The following SMG6 variants were observed in gnomAD, a reference collection of about 807,000 sequenced individuals.
SMG6 encodes telomerase-binding protein EST1A.
SMG6 carries 66 observed loss-of-function variants against 142.2 expected under a neutral mutation model. The ratio of observed to expected loss-of-function variants is 0.46; its 90% CI spans 0.38 to 0.57. SMG6 has a LOEUF of 0.57. Ranked by LOEUF, SMG6 falls within the 20% of genes least tolerant of loss-of-function variation. The pLI is 0.00. For missense variants in SMG6, 1,793 were observed against 1,832.0 expected, an observed-to-expected ratio of 0.98 and a Z score of 0.39; for synonymous variants, 779 against 702.4, an observed-to-expected ratio of 1.11 and a Z score of -1.72.
intron 13 of SMG6, among the ~76,000 whole-genome samples, chr17:2,118,705 C>T (rs970937007): frequency 3.3e-5 from 5 of 149,678 alleles, no homozygotes; most frequent in African/African-American, 4.9e-5. Context: ...TTGCCGTGCA[C>T]GGCTGCAAGT....
intron 13 of SMG6, chr17:2,087,148 C>A (rs895338835): frequency 3.1e-6 from 4 of 1,290,414 alleles, no homozygotes; most frequent in Non-Finnish European, 3.0e-6. Context: ...CCTCTGGTGG[C>A]AAAGCCTAAA....
chr17:2,272,989 T>C (rs2074571199), intron 8 of SMG6, among the ~76,000 whole-genome samples: 1 of 138,168 alleles, frequency 7.2e-6, no homozygotes, highest in Admixed American at 7.2e-5. Context: ...GAGATTTTTG[T>C]TGGTGATTTT....
Position 2,302,129 on chromosome 17 carries a change from T to C in SMG6, c.89-1465A>G, listed in dbSNP as rs2075292884. Among the ~76,000 whole-genome samples the C allele has an allele frequency of 2.6e-5, 4 of 152,066 alleles. No individual in the cohort carries two copies. The South Asian group carries it at 8.3e-4, about 31-fold the overall frequency. On this transcript the variant is annotated intron_variant, in intron 1 of 18. Transcript: ENST00000263073. ...ATAGCCAGGTGTGGTGGTGCAGGTC[T>C]GTAATTCCAGCTACTCGGAAGGCTG...
intron 13 of SMG6, among the ~76,000 whole-genome samples, chr17:2,115,008 TA>T (rs1292968549): frequency 5.9e-5 from 7 of 118,844 alleles, no homozygotes; most frequent in African/African-American, 1.7e-4. Flanking sequence ...ATAAAATAAT[TA>T]AAAAAAAAGA....
chr17:2,066,010 G>T (rs965391411), intron 16 of SMG6: 1 of 357,518 alleles, frequency 2.8e-6, no homozygotes, highest in Admixed American at 4.0e-5. Flanking sequence ...CACGTGAAAG[G>T]GTCCCTCAGG....
intron 12 of SMG6, 100 bp downstream of exon 12, chr17:2,186,563 G>T: frequency 7.4e-7 from 1 of 1,343,196 alleles, no homozygotes; most frequent in African/African-American, 1.5e-5. Flanking sequence ...AGGCAGGCAG[G>T]CTGTGGGCAG....
rs976877708 is a variant in SMG6, at chr17:2,071,003, G to A, written c.3682-2072C>T. On this transcript the variant is annotated intron_variant, in intron 15 of 18. Transcript: ENST00000263073. This position sits in a 1 kb window ranked among gnomAD's most constrained non-coding sequence, Gnocchi z 5.6. ...TCATTTCTCAGGCCATGCGCTCTCC[G>A]TCTAGCTCTTCTGTTGCCAGGCATG... Among the ~76,000 whole-genome samples the A allele has an allele frequency of 3.9e-5, 6 of 152,210 alleles. No individual in the cohort carries two copies. Among genetic ancestry groups the A allele is most frequent in the South Asian group, 2.1e-4 (1 of 4,832 alleles).
intron 13 of SMG6, among the ~76,000 whole-genome samples, chr17:2,118,638 G>A (rs1000164216): frequency 3.3e-5 from 5 of 150,814 alleles, no homozygotes; most frequent in Admixed American, 2.0e-4. Flanking sequence ...TTGAGCAACG[G>A]TCTTGCTCTG....
At chr17:2,110,593 G>A (rs1316588215) in intron 13 of SMG6, among the ~76,000 whole-genome samples, 1 of 152,186 alleles carries the variant, frequency 6.6e-6, no homozygotes, top group African/African-American at 2.4e-5. Flanking sequence ...CTGATGGAAA[G>A]ATCTGGCGGA....
At position 2,071,460 on chromosome 17, in the gene SMG6, C is replaced by T. The variant is rs755917930; in HGVS notation, c.3682-2529G>A. 1.3e-5 allele frequency among the ~76,000 whole-genome samples: 2 copies of T among 152,320 alleles called. No individual in the cohort carries two copies. The highest frequency in any genetic ancestry group is 2.1e-4 in the South Asian group (1 of 4,822). On this transcript the variant is annotated intron_variant, in intron 15 of 18. Transcript: ENST00000263073. This position sits in a 1 kb window ranked among gnomAD's most constrained non-coding sequence, Gnocchi z 5.6. ...AGGTCCAGAGACGCTCTAAATTCCC[C>T]GGGTTCTTAGCTCTGGCTTGCAGCT...
intron 8 of SMG6, among the ~76,000 whole-genome samples, chr17:2,247,573 C>T (rs747610362): frequency 1.3e-5 from 2 of 152,146 alleles, no homozygotes; most frequent in Admixed American, 6.5e-5. Flanking sequence ...AGATCATCTG[C>T]GGTCAGGAGT....
rs1597396755 is a variant in SMG6 at position 2,109,409 on chromosome 17, G to A, written c.3358-23508C>T. 2.6e-5 allele frequency among the ~76,000 whole-genome samples: 4 copies of A among 152,220 alleles called. 1 individual carries two copies. The East Asian group carries it at 5.8e-4, about 22-fold the overall frequency. On this transcript the variant is annotated intron_variant, in intron 13 of 18. Coordinates refer to ENST00000263073, the MANE Select transcript of SMG6 (RefSeq NM_017575.5). ...CTCGTAAGTAGCTGTGATTATAGGC[G>A]CGTGCCACCACGCCTGGTTAATTTT...
intron 3 of SMG6, 39 bp downstream of exon 3, chr17:2,297,824 T>C: frequency 3.2e-6 from 5 of 1,586,564 alleles, no homozygotes; most frequent in Non-Finnish European, 4.3e-6. Flanking sequence ...TACAGAATGC[T>C]GAAGCCTTTA....
chr17:2,073,006 G>A (rs2068148470), intron 15 of SMG6: 1 of 152,176 alleles, frequency 6.6e-6, no homozygotes, highest in African/African-American at 2.4e-5. Context: ...ATAAATATCA[G>A]GGGGAAACCA....
chr17:2,196,588 C>T (rs1282120987), intron 10 of SMG6, among the ~76,000 whole-genome samples: 1 of 152,090 alleles, frequency 6.6e-6, no homozygotes, highest in African/African-American at 2.4e-5. Flanking sequence ...ATAGGTTTAA[C>T]GCAACAGCTA....
Position 2,216,364 on chromosome 17 carries a change from G to C in SMG6, c.2869+20128C>G, listed in dbSNP as rs182191545. On this transcript the variant is annotated intron_variant, in intron 10 of 18. Coordinates refer to ENST00000263073, the MANE Select transcript of SMG6 (RefSeq NM_017575.5). ...CCCCACAGTTTGGGGCTAAGAAAAGGGGGGGAAAAAGTAGGCTGAAGATTT... is the reference window on the plus strand; with the variant it reads ...CCCCACAGTTTGGGGCTAAGAAAAGCGGGGGAAAAAGTAGGCTGAAGATTT... 2.0e-3 allele frequency among the ~76,000 whole-genome samples: 308 copies of C among 152,202 alleles called. 2 individuals are homozygous for C. Among genetic ancestry groups the C allele is most frequent in the Non-Finnish European group, 3.5e-3 (239 of 68,012 alleles).
At chr17:2,290,430 C>T (rs1015132391) in intron 6 of SMG6, among the ~76,000 whole-genome samples, 3 of 152,206 alleles carry the variant, frequency 2.0e-5, no homozygotes, top group Non-Finnish European at 2.9e-5. Flanking sequence ...AATCTATACA[C>T]GAGCCTTACA....
chr17:2,291,562 A>T (rs1248658792), intron 6 of SMG6, among the ~76,000 whole-genome samples: 2 of 152,088 alleles, frequency 1.3e-5, no homozygotes, highest in Non-Finnish European at 2.9e-5. Flanking sequence ...CCAATTCTGA[A>T]AGAAGTGTTT....
chr17:2,132,421 C>T (rs2070152861), intron 13 of SMG6, among the ~76,000 whole-genome samples: 1 of 152,158 alleles, frequency 6.6e-6, no homozygotes, highest in Non-Finnish European at 1.5e-5. Flanking sequence ...TGTGGACTGT[C>T]AATTCAAGTG....
Sources: gnomAD v4.1 joint callset for allele counts (sites outside exome capture counted in the v4.1 genomes callset) on GRCh38, gnomAD v4.1.1 for gene constraint, Gnocchi (gnomAD v3.1) non-coding constraint, MANE v1.5 for transcripts, NCBI Gene and HGNC (gene_info 2026-07-23, HGNC 2026-07-21) for gene names.